SIGLEC6: variants seen among roughly 807,000 people sequenced by gnomAD.
SIGLEC6 encodes the protein sialic acid binding Ig like lectin 6.
Under a neutral mutation model 41.4 loss-of-function variants are expected in SIGLEC6, and 31 were observed. The ratio of observed to expected loss-of-function variants is 0.75; its 90% CI spans 0.56 to 1.01. The LOEUF (loss-of-function observed/expected upper bound fraction) is 1.01. Ranked by LOEUF, SIGLEC6 falls within the 50% of genes least tolerant of loss-of-function variation. SIGLEC6 has a pLI of 0.00. For synonymous variants in SIGLEC6, 217 were observed against 231.0 expected (o/e 0.94, Z 0.55); for missense variants, 555 against 558.6 (o/e 0.99, Z 0.06).
intron 5 of SIGLEC6, chr19:51,528,490 T>G: frequency 1.8e-6 from 1 of 559,464 alleles, no homozygotes. Flanking sequence ...TGGAAACATC[T>G]TCTCCAAGCT....
intron 7 of SIGLEC6, among the ~76,000 whole-genome samples, chr19:51,524,482 A>T (rs1978859591): frequency 6.6e-6 from 1 of 152,250 alleles, no homozygotes; most frequent in Admixed American, 6.5e-5. Context: ...TAACAAAATA[A>T]ATTGTAAAAA....
At chr19:51,520,420 C>A (rs1298954588) in intron 7 of SIGLEC6, among the ~76,000 whole-genome samples, 165 bp from the exon 8 acceptor site, 2 of 151,872 alleles carry the variant, frequency 1.3e-5, no homozygotes, top group Non-Finnish European at 2.9e-5. Flanking sequence ...GATGGGGTCT[C>A]GCTCTGTTGT....
Position 51,530,945 on chromosome 19 carries a change from GC to G in SIGLEC6, c.441del (p.Arg147SerfsTer18). On this transcript the variant is annotated frameshift_variant, in exon 3 of 8. Coordinates refer to ENST00000425629, the MANE Select transcript of SIGLEC6 (RefSeq NM_001245.7). LOFTEE classifies it high-confidence loss of function. ...AGGGTCCCTGGGATGGAGATGTTGGGCCTGTGGGTCAGGGCTGGTGAGGAGA... is the reference window on the plus strand; with the variant it reads ...AGGGTCCCTGGGATGGAGATGTTGGGCTGTGGGTCAGGGCTGGTGAGGAGA... Reference protein sequence around the residue: ...LSVRVMALTHRPNISIPGTLE... With the variant: ...LSVRVMALTHXPNISIPGTLE... 6.2e-7 allele frequency: 1 copy of G among 1,612,124 alleles called. No homozygotes were observed. The highest frequency in any genetic ancestry group is 8.5e-7 in the Non-Finnish European group (1 of 1,179,926).
intron 7 of SIGLEC6, among the ~76,000 whole-genome samples, chr19:51,523,178 G>GA (rs1466422117): frequency 1.2e-4 from 18 of 152,096 alleles, no homozygotes; most frequent in Non-Finnish European, 2.2e-4. Context: ...TTCTAGAGAT[G>GA]AAAAATGGCA....
At chr19:51,529,237 T>C (rs949629268) in intron 5 of SIGLEC6, among the ~76,000 whole-genome samples, 2 of 152,136 alleles carry the variant, frequency 1.3e-5, no homozygotes, top group African/African-American at 4.8e-5. Context: ...TTGAGAACCG[T>C]GAGACAATAA....
At position 51,518,320 on chromosome 19, in the gene SIGLEC6, G is replaced by T. The variant is rs879332916; in HGVS notation, c.*1762C>A. On this transcript the variant is annotated 3_prime_UTR_variant, in exon 8 of 8. Coordinates refer to ENST00000425629, the MANE Select transcript of SIGLEC6 (RefSeq NM_001245.7). Reference sequence around the variant, plus strand: ...AAAGTCAGCTGTCAGTCTAATTGTGGTTTTTTGCTTGTTTGTTTGTTTTGT... The same window carrying T: ...AAAGTCAGCTGTCAGTCTAATTGTGTTTTTTTGCTTGTTTGTTTGTTTTGT... 6.6e-6 allele frequency among the ~76,000 whole-genome samples: 1 copy of T among 152,086 alleles called. No individual in the cohort carries two copies. Among genetic ancestry groups the T allele is most frequent in the Non-Finnish European group, 1.5e-5 (1 of 68,008 alleles).
chr19:51,530,540 G>T (rs758070058), intron 3 of SIGLEC6, 56 bp from the exon 4 acceptor site: 27 of 1,610,308 alleles, frequency 1.7e-5, no homozygotes, highest in Non-Finnish European at 2.1e-5. Context: ...GGTAGGCATG[G>T]GGCCTTCCCC....
chr19:51,519,989 G>A lies in SIGLEC6; in HGVS notation c.*93C>T, dbSNP rs566378488. ...ATAAAGTTCTGTGTTTATGTCACTC[G>A]GTTTGTGGTACATTGCTGTGGCAGC... On this transcript the variant is annotated 3_prime_UTR_variant, in exon 8 of 8. Coordinates refer to ENST00000425629, the MANE Select transcript of SIGLEC6 (RefSeq NM_001245.7). The A allele has an allele frequency of 1.9e-5, 20 of 1,071,826 alleles. No individual in the cohort carries two copies. Among genetic ancestry groups the A allele is most frequent in the Middle Eastern group, 2.2e-4 (1 of 4,532 alleles). The allele number at this position is 1,071,826 out of a possible 1,614,324, so 66.4% of individuals were successfully genotyped here.
chr19:51,528,325 C>T (rs758459480), intron 5 of SIGLEC6, 72 bp from the exon 6 acceptor site: 1 of 1,320,456 alleles, frequency 7.6e-7, no homozygotes, highest in Non-Finnish European at 1.1e-6. Flanking sequence ...TCCTCTCCAC[C>T]TTCCACTAAT....
At chr19:51,528,460 A>G in intron 5 of SIGLEC6, 1 of 586,172 alleles carries the variant, frequency 1.7e-6, no homozygotes, top group Non-Finnish European at 3.1e-6. Context: ...TTGTGCCCCC[A>G]GCCACTCTTG....
chr19:51,528,155 C>G lies in SIGLEC6; in HGVS notation c.1106+5G>C. 1 of 1,613,636 alleles carries G rather than the reference C, an allele frequency of 6.2e-7. No homozygotes were observed. Among genetic ancestry groups the G allele is most frequent in the East Asian group, 2.2e-5 (1 of 44,878 alleles). ...TTTCTGTGCCTCCCTGGAGCCCACTCTCACCTGAAGATGAAGCAAACACAG... is the reference window on the plus strand; with the variant it reads ...TTTCTGTGCCTCCCTGGAGCCCACTGTCACCTGAAGATGAAGCAAACACAG... On this transcript the variant is annotated splice_donor_5th_base_variant and intron_variant, in intron 6 of 7. Transcript: ENST00000425629.
Position 51,530,686 on chromosome 19 carries a change from A to G in SIGLEC6, c.701T>C (p.Val234Ala). The G allele has an allele frequency of 2.5e-6, 4 of 1,613,522 alleles. No homozygotes were observed. The highest frequency in any genetic ancestry group is 1.1e-5 in the South Asian group (1 of 91,052). The change falls in exon 3 of 8, where the codon GTC becomes GCC. Residue 234 changes from valine (V) to alanine (A), a missense_variant. Transcript: ENST00000425629. ...CGTCCTGGCCCAGCACTCACAGGAG[A>G]CATTGAGCTGGATGGTTCTCTCCAT... ...VTMERTIQLNVSYAPQKVAIS... is the reference protein window; with the variant it reads ...VTMERTIQLNASYAPQKVAIS...
At chr19:51,522,961 C>A (rs960935259) in intron 7 of SIGLEC6, among the ~76,000 whole-genome samples, 3 of 152,066 alleles carry the variant, frequency 2.0e-5, no homozygotes, top group Non-Finnish European at 2.9e-5. Context: ...CATGGTGAGA[C>A]CCTGTCTTTA....
At chr19:51,522,662 A>G (rs1022465419) in intron 7 of SIGLEC6, among the ~76,000 whole-genome samples, 1 of 151,338 alleles carries the variant, frequency 6.6e-6, no homozygotes, top group African/African-American at 2.4e-5. Context: ...ATGGTGGCTC[A>G]CGCCTGTAGT....
intron 7 of SIGLEC6, among the ~76,000 whole-genome samples, chr19:51,521,030 A>G (rs1404370265): frequency 6.7e-6 from 1 of 150,160 alleles, no homozygotes; most frequent in Non-Finnish European, 1.5e-5. Context: ...CACTTTTTTA[A>G]TTCATGATAG....
At chr19:51,520,386 CATTTT>C (rs1413665534) in intron 7 of SIGLEC6, 131 bp from the exon 8 acceptor site, 18 of 495,178 alleles carry the variant, frequency 3.6e-5, no homozygotes, top group Non-Finnish European at 4.4e-5. Flanking sequence ...TATTTTATTT[CATTTT>C]ATTTTATTTT....
In SIGLEC6 at chr19:51,520,040, A is replaced by G. The variant is rs755172985; in HGVS notation, c.*42T>C. The G allele has an allele frequency of 6.7e-7, 1 of 1,489,074 alleles. No individual in the cohort carries two copies. The allele number at this position is 1,489,074 out of a possible 1,614,324, so 92.2% of individuals were successfully genotyped here. ...CCTAGTAACCAATACACTGAGAGGT[A>G]CCATGTTCTCTCCAATCAAGGTTAT... On this transcript the variant is annotated 3_prime_UTR_variant, in exon 8 of 8. Coordinates refer to ENST00000425629, the MANE Select transcript of SIGLEC6 (RefSeq NM_001245.7).
chr19:51,529,001 C>CAA lies in SIGLEC6; in HGVS notation c.1012+721_1012+722dup, dbSNP rs3072157. ...CTGGCAACAGAGTGAGACCCTCTCT[C>CAA]AAAAAAAAAAAAAAAAAGGGAAAAT... On this transcript the variant is annotated intron_variant, in intron 5 of 7. Transcript: ENST00000425629. 4.7e-4 allele frequency among the ~76,000 whole-genome samples: 44 copies of CAA among 92,822 alleles called. 3 individuals are homozygous for CAA. Among genetic ancestry groups the CAA allele is most frequent in the African/African-American group, 1.5e-3 (34 of 21,974 alleles). 60.9% of individuals were successfully genotyped at this position (92,822 alleles called of 152,430 possible).
intron 4 of SIGLEC6, 71 bp downstream of exon 4, chr19:51,530,366 A>G (rs898904994): frequency 1.4e-6 from 2 of 1,386,918 alleles, no homozygotes; most frequent in East Asian, 4.6e-5. Flanking sequence ...CTGGCTTCTC[A>G]TATTGATCCC....
Sources: gnomAD v4.1 joint callset for allele counts (sites outside exome capture counted in the v4.1 genomes callset) on GRCh38, gnomAD v4.1.1 for gene constraint, MANE v1.5 for transcripts, NCBI Gene and HGNC (gene_info 2026-07-23, HGNC 2026-07-21) for gene names.